Variants in C1orf52 observed in about 807,000 individuals in gnomAD.
C1orf52 encodes chromosome 1 open reading frame 52.
In C1orf52, 5 loss-of-function variants were observed where a neutral mutation model predicts 17.2. That is an observed-to-expected ratio of 0.29 (90% CI 0.15 to 0.61). C1orf52 has a LOEUF of 0.61. Among genes scored for constraint, C1orf52 ranks in the 20% least tolerant of loss-of-function variants. The pLI is 0.85. For synonymous variants in C1orf52, 110 were observed against 88.0 expected (o/e 1.25, Z -1.40); for missense variants, 245 against 234.1 (o/e 1.05, Z -0.30).
chr1:85,259,020 G>C (rs1183875081), intron 1 of C1orf52: 57 of 1,332,176 alleles, frequency 4.3e-5, no homozygotes, highest in Non-Finnish European at 5.5e-5. Context: ...AGGCAGCACC[G>C]CAGGCACTTC....
intron 2 of C1orf52, among the ~76,000 whole-genome samples, chr1:85,253,665 A>C (rs527508233): frequency 6.6e-6 from 1 of 152,316 alleles, no homozygotes; most frequent in African/African-American, 2.4e-5. Context: ...CCTTTCCAAA[A>C]TGTTAATAGT....
At chr1:85,259,198 G>C in intron 1 of C1orf52, 160 bp downstream of exon 1, 2 of 1,152,768 alleles carry the variant, frequency 1.7e-6, no homozygotes, top group South Asian at 3.1e-5. Flanking sequence ...GCGGGGAGAG[G>C]GGGCCAGGTT....
At chr1:85,258,808 TTATC>T in intron 1 of C1orf52, 86 bp from the exon 2 acceptor site, 1 of 1,423,160 alleles carries the variant, frequency 7.0e-7, no homozygotes, top group East Asian at 2.5e-5. Flanking sequence ...TGCCGTTCGC[TTATC>T]GTTCAGGCTG....
chr1:85,253,235 A>G (rs1659845990), intron 2 of C1orf52, among the ~76,000 whole-genome samples: 1 of 152,234 alleles, frequency 6.6e-6, no homozygotes. Context: ...TTTACATTGT[A>G]TATATTAAAA....
chr1:85,256,075 AGT>A (rs1358536917), intron 2 of C1orf52, among the ~76,000 whole-genome samples: 1 of 152,206 alleles, frequency 6.6e-6, no homozygotes, highest in Non-Finnish European at 1.5e-5. Context: ...ATCTAGTTTG[AGT>A]ATCAACCCTA....
chr1:85,258,387 G>T, intron 2 of C1orf52, 137 bp downstream of exon 2: 1 of 837,646 alleles, frequency 1.2e-6, no homozygotes, highest in Non-Finnish European at 1.9e-6. Context: ...CTCAAAAGCA[G>T]AGCAGTAAGT....
Position 85,252,712 on chromosome 1 carries a change from GA to G in C1orf52, c.476-11del. On this transcript the variant is annotated splice_polypyrimidine_tract_variant and intron_variant, in intron 2 of 2. Transcript: ENST00000471115. ...TCATCTTTTTCATCATCTTTAAATA[GA>G]AAAGGAAGAGTTTCAATCAGTAATT... 1 of 1,598,500 alleles carries G rather than the reference GA, an allele frequency of 6.3e-7. No individual in the cohort carries two copies. Among genetic ancestry groups the G allele is most frequent in the Middle Eastern group, 1.7e-4 (1 of 6,014 alleles).
chr1:85,256,151 T>C (rs1278348339), intron 2 of C1orf52, among the ~76,000 whole-genome samples: 1 of 152,236 alleles, frequency 6.6e-6, no homozygotes, highest in Non-Finnish European at 1.5e-5. Flanking sequence ...AAATGGCTAT[T>C]CATCAGGAGA....
intron 2 of C1orf52, among the ~76,000 whole-genome samples, chr1:85,255,905 TGTGAATAGCA>T (rs1459953313): frequency 3.3e-5 from 5 of 152,374 alleles, no homozygotes; most frequent in Non-Finnish European, 7.4e-5. Flanking sequence ...AAATTATCTA[TGTGAATAGCA>T]GTGTTACCTG....
intron 2 of C1orf52, among the ~76,000 whole-genome samples, chr1:85,256,839 G>A (rs1659956191): frequency 7.2e-6 from 1 of 138,440 alleles, no homozygotes; most frequent in Non-Finnish European, 1.6e-5. Context: ...CAAAAAGATT[G>A]TACAATATGA....
At chr1:85,259,069 G>C in intron 1 of C1orf52, 1 of 1,299,862 alleles carries the variant, frequency 7.7e-7, no homozygotes, top group Non-Finnish European at 9.9e-7. Flanking sequence ...AAGCTGCAGC[G>C]GGGGGGGCGG....
chr1:85,259,280 C>G (rs1163797692), intron 1 of C1orf52, 78 bp downstream of exon 1: 1 of 1,472,038 alleles, frequency 6.8e-7, no homozygotes, highest in Non-Finnish European at 9.1e-7. Context: ...GGATGGACAG[C>G]AGGTCCCCAG....
chr1:85,259,045 G>A (rs971595829), intron 1 of C1orf52: 5 of 1,347,974 alleles, frequency 3.7e-6, no homozygotes, highest in Non-Finnish European at 4.8e-6. Context: ...TCAAAGGGAA[G>A]GGGTCTCAGG....
chr1:85,257,451 G>A lies in C1orf52; in HGVS notation c.475+1073C>T, dbSNP rs1450710740. 4 of 717,278 alleles carry A rather than the reference G, an allele frequency of 5.6e-6. No homozygotes were observed. In the South Asian group the frequency reaches 5.9e-5, roughly 11 times the overall value. 44.4% of individuals were successfully genotyped at this position (717,278 alleles called of 1,614,324 possible). A position where few individuals can be genotyped will look rare whatever the true frequency, so the allele number is the denominator to read the frequency against. On this transcript the variant is annotated intron_variant, in intron 2 of 2. Transcript: ENST00000471115. ...GCAGGGAACCATACAATTCAGTTCT[G>A]GATTTCAAGATCTTCAAGTGCTAGA...
rs1428450908 is a variant in C1orf52 at position 85,251,738 on chromosome 1, T to G, written c.*891A>C. 1 of 152,146 alleles carries G rather than the reference T, an allele frequency of 6.6e-6. No individual in the cohort carries two copies. Among genetic ancestry groups the G allele is most frequent in the Non-Finnish European group, 1.5e-5 (1 of 68,028 alleles). 9.4% of individuals were successfully genotyped at this position (152,146 alleles called of 1,614,324 possible). A position where few individuals can be genotyped will look rare whatever the true frequency, so the allele number is the denominator to read the frequency against. ...ACTTACAATTTAATAAAGAAATTAA[T>G]GAATAACCATAAAGCACAGATGACA... On this transcript the variant is annotated 3_prime_UTR_variant, in exon 3 of 3. Coordinates refer to ENST00000471115, the MANE Select transcript of C1orf52 (RefSeq NM_198077.4).
At chr1:85,252,777 G>A in intron 2 of C1orf52, 75 bp from the exon 3 acceptor site, 2 of 940,304 alleles carry the variant, frequency 2.1e-6, no homozygotes, top group Non-Finnish European at 3.3e-6. Flanking sequence ...AATTTCACTG[G>A]CTTTATACCA....
chr1:85,255,998 T>C (rs150955764), intron 2 of C1orf52, among the ~76,000 whole-genome samples: 10 of 152,348 alleles, frequency 6.6e-5, no homozygotes, highest in Admixed American at 5.2e-4. Context: ...CTTGCTTGCT[T>C]GCCCTGGTGT....
intron 1 of C1orf52, 162 bp downstream of exon 1, chr1:85,259,196 A>T: frequency 1.0e-6 from 1 of 978,600 alleles, no homozygotes; most frequent in Non-Finnish European, 1.4e-6. Flanking sequence ...AGGCGGGGAG[A>T]GGGGGCCAGG....
Position 85,252,612 on chromosome 1 carries a change from A to G in C1orf52, c.*17T>C, listed in dbSNP as rs748533452. 1 of 1,609,572 alleles carries G rather than the reference A, an allele frequency of 6.2e-7. No homozygotes were observed. The highest frequency in any genetic ancestry group is 1.1e-5 in the South Asian group (1 of 90,864). On this transcript the variant is annotated 3_prime_UTR_variant, in exon 3 of 3. Coordinates refer to ENST00000471115, the MANE Select transcript of C1orf52 (RefSeq NM_198077.4). ...TTTCAACAAGTTTAGCAGTACAGAAATTCTGGTCATTTGTTTCTACTTTTT... is the reference window on the plus strand; with the variant it reads ...TTTCAACAAGTTTAGCAGTACAGAAGTTCTGGTCATTTGTTTCTACTTTTT...
Sources: gnomAD v4.1 joint callset for allele counts (sites outside exome capture counted in the v4.1 genomes callset) on GRCh38, gnomAD v4.1.1 for gene constraint, MANE v1.5 for transcripts, NCBI Gene and HGNC (gene_info 2026-07-23, HGNC 2026-07-21) for gene names.